The following MAPK10 variants were observed in gnomAD, a reference collection of about 807,000 sequenced individuals.
The protein encoded by MAPK10 is mitogen-activated protein kinase 10, also known as JNK3 alpha protein kinase.
A neutral mutation model predicts 59.3 loss-of-function variants in MAPK10; 25 were observed. The ratio of observed to expected loss-of-function variants is 0.42; its 90% CI spans 0.31 to 0.59. The LOEUF (loss-of-function observed/expected upper bound fraction) is 0.59, where lower values mean the gene tolerates loss of function less well. MAPK10 is among the 20% of genes least tolerant of loss of function. MAPK10 has a pLI of 0.15. For missense variants in MAPK10, 351 were observed against 568.9 expected (o/e 0.62, Z 3.90); for synonymous variants, 190 against 200.5 (o/e 0.95, Z 0.44).
intron 2 of MAPK10, chr4:86,327,809 G>C (rs2096062452): frequency 1.6e-5 from 1 of 62,460 alleles, no homozygotes; most frequent in Non-Finnish European, 3.9e-5. Flanking sequence ...AAAAAGCTGG[G>C]CATGGTGGTG....
At chr4:86,285,586 A>T (rs1176286950) in intron 2 of MAPK10, among the ~76,000 whole-genome samples, 1 of 152,140 alleles carries the variant, frequency 6.6e-6, no homozygotes, top group Non-Finnish European at 1.5e-5. Context: ...ATCTGAACAG[A>T]GCAATTATAT....
intron 1 of MAPK10, among the ~76,000 whole-genome samples, chr4:86,396,122 G>A (rs1184964831): frequency 6.6e-6 from 1 of 152,192 alleles, no homozygotes; most frequent in East Asian, 1.9e-4. Flanking sequence ...GAGGCGGGTG[G>A]ATCACCTGAG....
chr4:86,454,640 G>A (rs951974348), upstream of MAPK10, among the ~76,000 whole-genome samples: 3 of 152,078 alleles, frequency 2.0e-5, no homozygotes, highest in Admixed American at 1.3e-4. Flanking sequence ...TATGTTAAAT[G>A]GCCAAACCTA....
At chr4:86,118,495 C>T (rs981626182) in intron 4 of MAPK10, among the ~76,000 whole-genome samples, 2 of 151,904 alleles carry the variant, frequency 1.3e-5, no homozygotes, top group African/African-American at 4.8e-5. Context: ...GAGCTTTCTG[C>T]TGTTATGCTC....
In MAPK10 at chr4:86,103,288, AAG is replaced by A. The variant is rs754530492; in HGVS notation, c.367-46_367-45del. The A allele has an allele frequency of 1.5e-5, 15 of 970,874 alleles. No individual in the cohort carries two copies. In the South Asian group the frequency reaches 1.7e-4, roughly 11 times the overall value. 60.1% of individuals were successfully genotyped at this position (970,874 alleles called of 1,614,324 possible). ...GACAGAGGAAACGAGAGAAAGAAAA[AAG>A]AGAGAGAATGTATTATTTTTAAATT... On this transcript the variant is annotated intron_variant, in intron 5 of 13. Coordinates refer to ENST00000641462, the MANE Select transcript of MAPK10 (RefSeq NM_138982.4).
rs950980098 is a variant in MAPK10 at position 86,014,347 on chromosome 4, A to C, written c.*2881T>G. 2.3e-5 allele frequency: 2 copies of C among 88,310 alleles called. No individual in the cohort carries two copies. The highest frequency in any genetic ancestry group is 9.8e-5 in the Admixed American group (1 of 10,182). 5.5% of individuals were successfully genotyped at this position (88,310 alleles called of 1,614,324 possible). A position where few individuals can be genotyped will look rare whatever the true frequency, so the allele number is the denominator to read the frequency against. ...GTGTGTGTGTGTGTGTGTGTGTGTT[A>C]AGACAGACAAGTGAATGCAGAACAT... On this transcript the variant is annotated 3_prime_UTR_variant, in exon 14 of 14. Coordinates refer to ENST00000641462, the MANE Select transcript of MAPK10 (RefSeq NM_138982.4).
intron 2 of MAPK10, among the ~76,000 whole-genome samples, chr4:86,330,203 T>G (rs554462103): frequency 2.6e-5 from 4 of 152,338 alleles, no homozygotes; most frequent in African/African-American, 9.6e-5. Context: ...TTCAGTTTTT[T>G]TGTGTGTGTT....
chr4:86,501,131 A>C (rs900978128), intron 1 of MAPK10, among the ~76,000 whole-genome samples: 1 of 151,116 alleles, frequency 6.6e-6, no homozygotes, highest in Admixed American at 6.6e-5. Context: ...AAAAAAAAAA[A>C]AAAAAAAAAC....
At chr4:86,565,229 G>A (rs2149105967) in intron 1 of MAPK10, among the ~76,000 whole-genome samples, 1 of 152,248 alleles carries the variant, frequency 6.6e-6, no homozygotes, top group East Asian at 1.9e-4. Flanking sequence ...TTTTATTGCT[G>A]AAATACTGAG....
intron 11 of MAPK10, among the ~76,000 whole-genome samples, chr4:86,054,391 C>T (rs907319129): frequency 2.0e-5 from 3 of 152,168 alleles, no homozygotes; most frequent in Non-Finnish European, 4.4e-5. Context: ...GAAGGCAATT[C>T]AAACGATAGC....
At chr4:86,145,441 A>C (rs72662065) in intron 4 of MAPK10, among the ~76,000 whole-genome samples, 25,877 of 149,740 alleles carry the variant, frequency 0.17, 2,529 homozygotes, top group African/African-American at 0.21. Flanking sequence ...TATACAGCAT[A>C]CCAAACATGT....
At chr4:86,333,988 C>A (rs998519218) in intron 2 of MAPK10, among the ~76,000 whole-genome samples, 1 of 151,890 alleles carries the variant, frequency 6.6e-6, no homozygotes, top group Admixed American at 6.6e-5. Flanking sequence ...CTCTCTTTGC[C>A]CCATTATCCT....
intron 2 of MAPK10, among the ~76,000 whole-genome samples, chr4:86,345,398 T>C (rs1233082697): frequency 1.3e-5 from 2 of 152,196 alleles, no homozygotes; most frequent in African/African-American, 4.8e-5. Flanking sequence ...CTCAGCTTTG[T>C]CTTATCTTGA....
intron 1 of MAPK10, among the ~76,000 whole-genome samples, chr4:86,463,133 GA>G (rs2149062235): frequency 6.6e-6 from 1 of 152,318 alleles, no homozygotes; most frequent in East Asian, 1.9e-4. Flanking sequence ...GGTAAATGGA[GA>G]ATGTTAACTG....
At chr4:86,575,998 C>CGTGTGTGTGTGTGTGTGTGTGT (rs56886437) in intron 1 of MAPK10, among the ~76,000 whole-genome samples, 41 of 147,364 alleles carry the variant, frequency 2.8e-4, no homozygotes, top group Admixed American at 5.4e-4. Context: ...TGTGTGTATG[C>CGTGTGTGTGTGTGTGTGTGTGT]GTGTGTGTGT....
chr4:86,326,407 G>A (rs1348913541), intron 2 of MAPK10: 2 of 152,170 alleles, frequency 1.3e-5, no homozygotes, highest in Admixed American at 1.3e-4. Context: ...CACACTGTGG[G>A]GAGGACCAAT....
Position 86,270,309 on chromosome 4 carries a change from C to T in MAPK10, c.-6-75902G>A, listed in dbSNP as rs185749663. Among the ~76,000 whole-genome samples, 456 of 151,624 alleles carry T rather than the reference C, an allele frequency of 3.0e-3. 4 individuals are homozygous for T. The highest frequency in any genetic ancestry group is 0.011 in the African/African-American group (441 of 41,378). On this transcript the variant is annotated intron_variant, in intron 2 of 13. Transcript: ENST00000641462. ...AGTATATTTCTTGGGAGGTAATTTT[C>T]GTTTACTCTTTACCTAAAACAGGAA...
At chr4:86,350,931 T>C (rs1485732332) in intron 2 of MAPK10, among the ~76,000 whole-genome samples, 1 of 152,190 alleles carries the variant, frequency 6.6e-6, no homozygotes, top group Admixed American at 6.5e-5. Flanking sequence ...GTTGATTGTG[T>C]CATCACTCGT....
intron 4 of MAPK10, among the ~76,000 whole-genome samples, chr4:86,126,199 T>C (rs1409190879): frequency 6.6e-6 from 1 of 152,120 alleles, no homozygotes; most frequent in Admixed American, 6.6e-5. Flanking sequence ...TTAGCTATTT[T>C]GTAGGCCCCT....
Sources: gnomAD v4.1 joint callset for allele counts (sites outside exome capture counted in the v4.1 genomes callset) on GRCh38, gnomAD v4.1.1 for gene constraint, MANE v1.5 for transcripts, NCBI Gene and HGNC (gene_info 2026-07-23, HGNC 2026-07-21) for gene names.